Variants in CACHD1 observed in about 807,000 individuals in gnomAD.
The protein encoded by CACHD1 is cache domain containing 1.
In CACHD1, 71 loss-of-function variants were observed where a neutral mutation model predicts 138.7. The observed-to-expected ratio is 0.51, with a 90% confidence interval of 0.42 to 0.62. The LOEUF (loss-of-function observed/expected upper bound fraction) is 0.62. Among genes scored for constraint, CACHD1 ranks in the 20% least tolerant of loss-of-function variants. The pLI, the probability that CACHD1 is intolerant of heterozygous loss-of-function variation, is 0.00. For synonymous variants in CACHD1, 578 were observed against 591.5 expected (o/e 0.98, Z 0.33); for missense variants, 1,389 against 1,625.3 (o/e 0.85, Z 2.50).
chr1:64,654,462 A>G (rs1306617185), intron 11 of CACHD1, among the ~76,000 whole-genome samples: 1 of 152,214 alleles, frequency 6.6e-6, no homozygotes, highest in Non-Finnish European at 1.5e-5. Context: ...GGAAAGAATT[A>G]GAGTTGGGGA....
chr1:64,688,647 G>A (rs1024596928), intron 26 of CACHD1, among the ~76,000 whole-genome samples: 1 of 151,848 alleles, frequency 6.6e-6, no homozygotes, highest in Non-Finnish European at 1.5e-5. Flanking sequence ...CCTTCCTTCT[G>A]TCCAGCCTCC....
chr1:64,478,830 G>T (rs1646191935), intron 1 of CACHD1, among the ~76,000 whole-genome samples: 1 of 152,166 alleles, frequency 6.6e-6, no homozygotes, highest in Non-Finnish European at 1.5e-5. Flanking sequence ...TGTGCCAAGG[G>T]TGAAGGGGGG....
rs1266031943 is a variant in CACHD1 at position 64,678,244 on chromosome 1, C to T, written c.3178C>T (p.Gln1060Ter). The T allele has an allele frequency of 1.2e-6, 2 of 1,611,050 alleles. No individual in the cohort carries two copies. Among genetic ancestry groups the T allele is most frequent in the Admixed American group, 1.7e-5 (1 of 59,504 alleles). The change falls in exon 23 of 27, where the codon CAG (glutamine) becomes TAG (stop). Residue 1060 changes from glutamine to a stop codon, truncating the protein, a stop_gained. Coordinates refer to ENST00000651257, the MANE Select transcript of CACHD1 (RefSeq NM_020925.4). LOFTEE classifies it high-confidence loss of function. Reference sequence around the variant, plus strand: ...CCTGGACAAACCCTACTGTGCCCCCCAGAAAGAATGCTTCGGGGGGATTGT... The same window carrying T: ...CCTGGACAAACCCTACTGTGCCCCCTAGAAAGAATGCTTCGGGGGGATTGT... ...THLDKPYCAP[Q>*]KECFGGIVGA...
At chr1:64,671,320 C>G (rs1649808455) in intron 16 of CACHD1, among the ~76,000 whole-genome samples, 1 of 152,038 alleles carries the variant, frequency 6.6e-6, no homozygotes, top group African/African-American at 2.4e-5. Context: ...TATTTCACAG[C>G]TGCTCAGGTT....
chr1:64,676,804 C>G, intron 21 of CACHD1, 91 bp from the exon 22 acceptor site: 1 of 1,001,298 alleles, frequency 1.0e-6, no homozygotes, highest in Non-Finnish European at 1.5e-6. Flanking sequence ...GATTCAAACC[C>G]AAATCTGTCT....
chr1:64,495,461 A>G (rs1412343646), intron 1 of CACHD1, among the ~76,000 whole-genome samples: 2 of 152,148 alleles, frequency 1.3e-5, no homozygotes, highest in African/African-American at 2.4e-5. Context: ...ATAAATGGCT[A>G]CCATCTCTTC....
At chr1:64,643,579 G>A in intron 8 of CACHD1, among the ~76,000 whole-genome samples, 1 of 152,220 alleles carries the variant, frequency 6.6e-6, no homozygotes, top group East Asian at 1.9e-4. Flanking sequence ...GCTCATGCCT[G>A]TAATCCCAGC....
chr1:64,549,108 CAT>C lies in CACHD1; in HGVS notation c.199-1485_199-1484del, dbSNP rs1275290433. Among the ~76,000 whole-genome samples the C allele has an allele frequency of 5.9e-5, 9 of 152,288 alleles. No individual in the cohort carries two copies. The East Asian group carries it at 1.7e-3, about 29-fold the overall frequency. On this transcript the variant is annotated intron_variant, in intron 1 of 26. Coordinates refer to ENST00000651257, the MANE Select transcript of CACHD1 (RefSeq NM_020925.4). The stretch of plus-strand genomic sequence containing the variant: ...AAATGAACATTAAATAAAATATACA[CAT>C]GAGGCACAATATCTGGATTGCCCTA...
chr1:64,499,771 C>T lies in CACHD1; in HGVS notation c.198+28829C>T, dbSNP rs189952918. On this transcript the variant is annotated intron_variant, in intron 1 of 26. Coordinates refer to ENST00000651257, the MANE Select transcript of CACHD1 (RefSeq NM_020925.4). Reference sequence around the variant, plus strand: ...TTTGAAATTACAGTAGTTGTTAGACCCATCATTAGAGATGTTGTTGATTAA... The same window carrying T: ...TTTGAAATTACAGTAGTTGTTAGACTCATCATTAGAGATGTTGTTGATTAA... 2.6e-5 allele frequency among the ~76,000 whole-genome samples: 4 copies of T among 152,146 alleles called. No individual in the cohort carries two copies. In the East Asian group the frequency reaches 7.7e-4, roughly 29 times the overall value.
At chr1:64,471,048 A>G in intron 1 of CACHD1, 106 bp downstream of exon 1, 1 of 1,154,820 alleles carries the variant, frequency 8.7e-7, no homozygotes, top group Admixed American at 2.9e-5. Flanking sequence ...GGCTCCTTGC[A>G]TACATAGAGC....
At chr1:64,493,768 T>C (rs1290425990) in intron 1 of CACHD1, among the ~76,000 whole-genome samples, 1 of 152,146 alleles carries the variant, frequency 6.6e-6, no homozygotes, top group Non-Finnish European at 1.5e-5. Flanking sequence ...CACACACACC[T>C]TTTCTCCTCC....
At chr1:64,483,872 C>A (rs900308490) in intron 1 of CACHD1, among the ~76,000 whole-genome samples, 9 of 145,648 alleles carry the variant, frequency 6.2e-5, no homozygotes, top group Non-Finnish European at 1.0e-4. Context: ...CTTCCCCCCC[C>A]CCCTTGCATA....
chr1:64,575,025 T>C (rs1646955999), intron 2 of CACHD1, among the ~76,000 whole-genome samples: 1 of 152,246 alleles, frequency 6.6e-6, no homozygotes, highest in South Asian at 2.1e-4. Context: ...CTTTTACTTC[T>C]AGCTCTGTTG....
intron 1 of CACHD1, among the ~76,000 whole-genome samples, chr1:64,495,695 T>C (rs1224938201): frequency 6.6e-6 from 1 of 151,844 alleles, no homozygotes; most frequent in Non-Finnish European, 1.5e-5. Flanking sequence ...GAATTACTTT[T>C]TTTTTTTTTG....
chr1:64,678,364 CT>C (rs1290200820), intron 23 of CACHD1, 54 bp downstream of exon 23: 1 of 1,477,958 alleles, frequency 6.8e-7, no homozygotes, highest in Non-Finnish European at 9.0e-7. Context: ...AATTTCCTGC[CT>C]ATATGCTAGG....
At chr1:64,606,419 A>C (rs937074659) in intron 4 of CACHD1, among the ~76,000 whole-genome samples, 1 of 152,142 alleles carries the variant, frequency 6.6e-6, no homozygotes, top group Non-Finnish European at 1.5e-5. Context: ...TGGAAACTGC[A>C]AGAAGGCCAC....
At chr1:64,615,340 T>C (rs1475396828) in intron 4 of CACHD1, among the ~76,000 whole-genome samples, 3 of 152,198 alleles carry the variant, frequency 2.0e-5, no homozygotes, top group Non-Finnish European at 2.9e-5. Context: ...AGAGCAGGGC[T>C]TCTACACAGT....
intron 1 of CACHD1, among the ~76,000 whole-genome samples, chr1:64,520,944 G>A (rs1031378247): frequency 6.6e-5 from 10 of 152,134 alleles, no homozygotes; most frequent in African/African-American, 2.4e-4. Flanking sequence ...GTTTATCTCT[G>A]CAGGTAAGGC....
chr1:64,562,796 CT>C (rs1646852306), intron 2 of CACHD1, among the ~76,000 whole-genome samples: 1 of 152,080 alleles, frequency 6.6e-6, no homozygotes, highest in African/African-American at 2.4e-5. Context: ...TCTTTGCATT[CT>C]TGAGCATAGT....
Sources: allele counts gnomAD v4.1 joint callset (sites outside exome capture counted in the v4.1 genomes callset), GRCh38; gene constraint gnomAD v4.1.1; transcripts MANE v1.5; gene names NCBI Gene and HGNC (gene_info 2026-07-23, HGNC 2026-07-21).